The following ADAMTS18 variants were observed in gnomAD, a reference collection of about 807,000 sequenced individuals.
ADAMTS18 encodes ADAM metallopeptidase with thrombospondin type 1 motif 18.
ADAMTS18 carries 157 observed loss-of-function variants against 165.9 expected under a neutral mutation model. That is an observed-to-expected ratio of 0.95 (90% CI 0.83 to 1.08). The LOEUF (loss-of-function observed/expected upper bound fraction) is 1.08, where lower values mean the gene tolerates loss of function less well. Among genes scored for constraint, ADAMTS18 ranks in the 50% least tolerant of loss-of-function variants. The pLI, the probability that ADAMTS18 is intolerant of heterozygous loss-of-function variation, is 0.00. For synonymous variants in ADAMTS18, 782 were observed against 578.2 expected, an observed-to-expected ratio of 1.35 and a Z score of -5.06; for missense variants, 2,040 against 1,534.0, an observed-to-expected ratio of 1.33 and a Z score of -5.51.
rs375850432 is a variant in ADAMTS18 at position 77,424,700 on chromosome 16, C to CA, written c.495+6594dup. ...GAGGAGAGAAGCCAGAACAAAATAACAAAAAAAAACCTTTTTAACCTTTCT... is the reference window on the plus strand; with the variant it reads ...GAGGAGAGAAGCCAGAACAAAATAACAAAAAAAAAACCTTTTTAACCTTTCT... On this transcript the variant is annotated intron_variant, in intron 3 of 22. Coordinates refer to ENST00000282849, the MANE Select transcript of ADAMTS18 (RefSeq NM_199355.4). Among the ~76,000 whole-genome samples, 1,067 of 150,964 alleles carry CA rather than the reference C, an allele frequency of 7.1e-3. 11 individuals are homozygous for CA. The highest frequency in any genetic ancestry group is 0.025 in the African/African-American group (1,010 of 41,202).
chr16:77,321,964 G>A (rs375863114), intron 14 of ADAMTS18, among the ~76,000 whole-genome samples: 30 of 151,742 alleles, frequency 2.0e-4, no homozygotes, highest in South Asian at 1.2e-3. Context: ...AAGACCAGTC[G>A]GGCCAACATG....
At chr16:77,424,700 C>CAA (rs375850432) in intron 3 of ADAMTS18, among the ~76,000 whole-genome samples, 6 of 150,972 alleles carry the variant, frequency 4.0e-5, no homozygotes, top group African/African-American at 9.7e-5. Flanking sequence ...AACAAAATAA[C>CAA]AAAAAAAAAC....
chr16:77,366,819 T>A (rs1370138564), intron 4 of ADAMTS18, among the ~76,000 whole-genome samples: 1 of 152,234 alleles, frequency 6.6e-6, no homozygotes, highest in Non-Finnish European at 1.5e-5. Context: ...TTTGTTATCC[T>A]GATTACATGT....
chr16:77,325,865 C>G lies in ADAMTS18; in HGVS notation c.2032+1G>C. Reference sequence around the variant, plus strand: ...TTTGAATGTCATAGAGACCAAATTACCTTCCACTTTTGTATAGGGTTTCCA... The same window carrying G: ...TTTGAATGTCATAGAGACCAAATTAGCTTCCACTTTTGTATAGGGTTTCCA... On this transcript the variant is annotated splice_donor_variant, in intron 13 of 22. Coordinates refer to ENST00000282849, the MANE Select transcript of ADAMTS18 (RefSeq NM_199355.4). LOFTEE classifies it high-confidence loss of function. 6.2e-7 allele frequency: 1 copy of G among 1,612,926 alleles called. No individual in the cohort carries two copies. The highest frequency in any genetic ancestry group is 8.5e-7 in the Non-Finnish European group (1 of 1,179,172).
chr16:77,417,373 CAGCT>C (rs1299750482), intron 3 of ADAMTS18, among the ~76,000 whole-genome samples: 1 of 152,084 alleles, frequency 6.6e-6, no homozygotes, highest in Non-Finnish European at 1.5e-5. Flanking sequence ...TAGTTACTGG[CAGCT>C]AGAAACACAA....
intron 3 of ADAMTS18, among the ~76,000 whole-genome samples, chr16:77,385,882 T>C (rs1440503229): frequency 6.6e-6 from 1 of 152,124 alleles, no homozygotes; most frequent in Non-Finnish European, 1.5e-5. Flanking sequence ...AGAAAAATAA[T>C]CATAGGATTA....
chr16:77,334,711 A>AGT (rs2056265488), intron 12 of ADAMTS18, among the ~76,000 whole-genome samples: 1 of 108,284 alleles, frequency 9.2e-6, no homozygotes, highest in Non-Finnish European at 1.8e-5. Flanking sequence ...TATACTGTAT[A>AGT]CTATAGTATA....
intron 16 of ADAMTS18, among the ~76,000 whole-genome samples, chr16:77,304,936 A>G (rs370721849): frequency 2.6e-5 from 4 of 152,198 alleles, no homozygotes; most frequent in South Asian, 4.1e-4. Context: ...ACAAAAATCA[A>G]ATGACTCAAG....
intron 3 of ADAMTS18, among the ~76,000 whole-genome samples, chr16:77,395,130 A>G (rs1487939292): frequency 6.6e-6 from 1 of 152,156 alleles, no homozygotes; most frequent in Admixed American, 6.6e-5. Context: ...ACCAGAAGAG[A>G]CCTGAGGAAG....
At chr16:77,397,028 C>T (rs1320718592) in intron 3 of ADAMTS18, among the ~76,000 whole-genome samples, 5 of 152,006 alleles carry the variant, frequency 3.3e-5, no homozygotes, top group East Asian at 3.9e-4. Context: ...AGGCTGGTCT[C>T]GAACTCCTGA....
At chr16:77,426,108 C>T (rs1388327723) in intron 3 of ADAMTS18, among the ~76,000 whole-genome samples, 2 of 151,990 alleles carry the variant, frequency 1.3e-5, no homozygotes, top group Admixed American at 6.6e-5. Flanking sequence ...GGAAATCCTA[C>T]CTCTTGGCAC....
At chr16:77,376,224 G>A (rs996150227) in intron 3 of ADAMTS18, among the ~76,000 whole-genome samples, 1 of 152,086 alleles carries the variant, frequency 6.6e-6, no homozygotes, top group East Asian at 1.9e-4. Context: ...TTACATGGCT[G>A]GAGCAGAAGG....
At chr16:77,421,556 G>A (rs2057603110) in intron 3 of ADAMTS18, among the ~76,000 whole-genome samples, 1 of 152,192 alleles carries the variant, frequency 6.6e-6, no homozygotes, top group South Asian at 2.1e-4. Flanking sequence ...GGGTCTTCTG[G>A]AGAGAACTTT....
rs8045576 is a variant in ADAMTS18, at chr16:77,366,121, A to G, written c.778+1320T>C. ...ACTCTTTCATTATTCCTCCTGATTAATATCTTAGTGATACCAGTTCCTCTT... is the reference window on the plus strand; with the variant it reads ...ACTCTTTCATTATTCCTCCTGATTAGTATCTTAGTGATACCAGTTCCTCTT... On this transcript the variant is annotated intron_variant, in intron 4 of 22. Transcript: ENST00000282849. Among the ~76,000 whole-genome samples, 1,480 of 151,332 alleles carry G rather than the reference A, an allele frequency of 9.8e-3. 18 individuals carry two copies. The highest frequency in any genetic ancestry group is 0.034 in the African/African-American group (1,396 of 40,970).
intron 3 of ADAMTS18, among the ~76,000 whole-genome samples, chr16:77,402,951 C>T (rs1158749475): frequency 2.0e-5 from 3 of 152,180 alleles, no homozygotes; most frequent in East Asian, 1.9e-4. Flanking sequence ...GAGCAACTGC[C>T]GGACAGCAAT....
At chr16:77,396,578 G>A (rs936811705) in intron 3 of ADAMTS18, among the ~76,000 whole-genome samples, 5 of 152,132 alleles carry the variant, frequency 3.3e-5, no homozygotes, top group Admixed American at 6.5e-5. Context: ...TATCTTAATC[G>A]AAAAACAAAT....
In ADAMTS18 at chr16:77,321,169, C is replaced by T; in HGVS notation, c.2197G>A (p.Ala733Thr). ...VGCDHELGSK[A>T]VSDACGVCKG... Reference sequence around the variant, plus strand: ...CAAACGCCACAAGCATCTGAAACTGCTTTAGAGCCTAGTTCATGATCACAT... The same window carrying T: ...CAAACGCCACAAGCATCTGAAACTGTTTTAGAGCCTAGTTCATGATCACAT... The change falls in exon 15 of 23, where the codon GCA becomes ACA. Residue 733 changes from alanine (A) to threonine (T), a missense_variant. Transcript: ENST00000282849. The T allele has an allele frequency of 6.2e-7, 1 of 1,614,162 alleles. No homozygotes were observed. The highest frequency in any genetic ancestry group is 8.5e-7 in the Non-Finnish European group (1 of 1,180,032).
chr16:77,364,508 G>A, intron 4 of ADAMTS18, 127 bp from the exon 5 acceptor site: 2 of 1,040,778 alleles, frequency 1.9e-6, no homozygotes, highest in East Asian at 5.2e-5. Context: ...CCACTAACAA[G>A]TGATGCTATC....
At chr16:77,412,062 G>C (rs989239191) in intron 3 of ADAMTS18, among the ~76,000 whole-genome samples, 1 of 151,994 alleles carries the variant, frequency 6.6e-6, no homozygotes, top group Non-Finnish European at 1.5e-5. Flanking sequence ...ATTTGATTCA[G>C]TAGACTGAGT....
Sources: allele counts gnomAD v4.1 joint callset (sites outside exome capture counted in the v4.1 genomes callset), GRCh38; gene constraint gnomAD v4.1.1; transcripts MANE v1.5; gene names NCBI Gene and HGNC (gene_info 2026-07-23, HGNC 2026-07-21).